PLD5: variants seen among roughly 807,000 people sequenced by gnomAD.
The protein encoded by PLD5 is inactive phospholipase D5.
A neutral mutation model predicts 61.1 loss-of-function variants in PLD5; 36 were observed. That is an observed-to-expected ratio of 0.59 (90% CI 0.45 to 0.78). PLD5 has a LOEUF of 0.78. Among genes scored for constraint, PLD5 ranks in the 30% least tolerant of loss-of-function variants. The probability of loss-of-function intolerance (pLI) is 0.00; values close to 1 mark genes in which losing one functional copy is unlikely to be tolerated. For synonymous variants in PLD5, 243 were observed against 242.8 expected, an observed-to-expected ratio of 1.00 and a Z score of -0.01; for missense variants, 515 against 644.4, an observed-to-expected ratio of 0.80 and a Z score of 2.17.
intron 7 of PLD5, among the ~76,000 whole-genome samples, chr1:242,109,379 G>A (rs1019542737): frequency 1.3e-5 from 2 of 152,212 alleles, no homozygotes; most frequent in Non-Finnish European, 2.9e-5. Context: ...TCGGGAGGCT[G>A]AGGCAGGAGA....
chr1:242,205,988 T>C (rs941270352), intron 5 of PLD5, among the ~76,000 whole-genome samples: 10 of 152,224 alleles, frequency 6.6e-5, no homozygotes, highest in Non-Finnish European at 1.5e-4. Flanking sequence ...AAGAAATGAC[T>C]GGGCTTGGCG....
At chr1:242,497,820 C>A (rs773903627) in intron 1 of PLD5, among the ~76,000 whole-genome samples, 1 of 152,170 alleles carries the variant, frequency 6.6e-6, no homozygotes, top group East Asian at 1.9e-4. Context: ...AGGCACTATG[C>A]CAAGCACTGC....
intron 1 of PLD5, among the ~76,000 whole-genome samples, chr1:242,513,598 G>T (rs764456524): frequency 6.6e-6 from 1 of 152,158 alleles, no homozygotes; most frequent in African/African-American, 2.4e-5. Context: ...GAGGCCAAAG[G>T]CCCACTCATA....
chr1:242,305,792 T>G (rs12131973), intron 2 of PLD5, among the ~76,000 whole-genome samples: 1 of 152,114 alleles, frequency 6.6e-6, no homozygotes, highest in African/African-American at 2.4e-5. Flanking sequence ...GATCTCTTGA[T>G]CTCATGACCC....
At chr1:242,129,791 C>A (rs977276242) in intron 5 of PLD5, among the ~76,000 whole-genome samples, 7 of 152,140 alleles carry the variant, frequency 4.6e-5, no homozygotes, top group African/African-American at 1.7e-4. Context: ...TCATCCCGCT[C>A]CTATGCTCTC....
intron 1 of PLD5, among the ~76,000 whole-genome samples, chr1:242,398,884 C>T (rs1261333437): frequency 1.3e-5 from 2 of 152,120 alleles, no homozygotes; most frequent in Non-Finnish European, 2.9e-5. Flanking sequence ...AATTTCTATA[C>T]AGTCATAGGA....
chr1:242,248,875 T>C (rs1045546964), intron 4 of PLD5, among the ~76,000 whole-genome samples: 5 of 152,136 alleles, frequency 3.3e-5, no homozygotes, highest in African/African-American at 1.2e-4. Flanking sequence ...CAGCCGGGCT[T>C]GGTGGGTCAT....
intron 2 of PLD5, among the ~76,000 whole-genome samples, chr1:242,338,300 T>G (rs1380579847): frequency 2.6e-5 from 4 of 152,184 alleles, no homozygotes; most frequent in African/African-American, 9.7e-5. Flanking sequence ...CAGGTTCAGG[T>G]TGGGCTCTTA....
chr1:242,216,529 A>C (rs1487062373), intron 5 of PLD5, among the ~76,000 whole-genome samples: 1 of 152,172 alleles, frequency 6.6e-6, no homozygotes, highest in East Asian at 1.9e-4. Flanking sequence ...CAGGTGCATA[A>C]TTGCTCTCTA....
intron 4 of PLD5, among the ~76,000 whole-genome samples, chr1:242,242,036 CACACACACAT>C (rs1672088387): frequency 2.0e-5 from 3 of 147,702 alleles, no homozygotes; most frequent in African/African-American, 5.0e-5. Flanking sequence ...CACACACACA[CACACACACAT>C]ATGGTTGATG....
intron 2 of PLD5, among the ~76,000 whole-genome samples, chr1:242,332,073 T>G (rs1659215915): frequency 6.6e-6 from 1 of 152,078 alleles, no homozygotes; most frequent in South Asian, 2.1e-4. Flanking sequence ...TGTGTGATGT[T>G]CCCCTCCCTG....
chr1:242,337,774 G>A (rs1350553075), intron 2 of PLD5, among the ~76,000 whole-genome samples: 1 of 152,182 alleles, frequency 6.6e-6, no homozygotes, highest in Non-Finnish European at 1.5e-5. Flanking sequence ...GAGTACGGAG[G>A]CTGAGTTTAG....
intron 1 of PLD5, among the ~76,000 whole-genome samples, chr1:242,387,750 A>G (rs1264930148): frequency 6.8e-6 from 1 of 147,572 alleles, no homozygotes; most frequent in Non-Finnish European, 1.5e-5. Flanking sequence ...TATATGATAT[A>G]TATCAAAATA....
chr1:242,204,899 G>A (rs558153209), intron 5 of PLD5, among the ~76,000 whole-genome samples: 3 of 152,134 alleles, frequency 2.0e-5, no homozygotes, highest in Admixed American at 6.5e-5. Context: ...AAAGAATAAG[G>A]CTGGCAAAAC....
intron 5 of PLD5, among the ~76,000 whole-genome samples, chr1:242,153,525 G>T (rs533772032): frequency 6.6e-6 from 1 of 152,244 alleles, no homozygotes; most frequent in African/African-American, 2.4e-5. Context: ...GTTAATATTT[G>T]TATAAGGTGT....
intron 1 of PLD5, among the ~76,000 whole-genome samples, chr1:242,487,460 A>C (rs1407189066): frequency 6.6e-6 from 1 of 152,220 alleles, no homozygotes; most frequent in Non-Finnish European, 1.5e-5. Flanking sequence ...ATACAGGAGC[A>C]AATCTAGGTG....
intron 1 of PLD5, among the ~76,000 whole-genome samples, chr1:242,380,542 A>G (rs60251166): frequency 0.2 from 30,158 of 152,070 alleles, 3,294 homozygotes; most frequent in African/African-American, 0.29. Flanking sequence ...GCTAGGAAAT[A>G]AACGCACATA....
At chr1:242,370,817 G>C (rs965459728) in intron 1 of PLD5, among the ~76,000 whole-genome samples, 2 of 152,056 alleles carry the variant, frequency 1.3e-5, no homozygotes. Flanking sequence ...AATGCCAACT[G>C]GTCTTTGATA....
At chr1:242,446,368 G>C (rs1016877780) in intron 1 of PLD5, among the ~76,000 whole-genome samples, 2 of 152,028 alleles carry the variant, frequency 1.3e-5, no homozygotes, top group African/African-American at 4.8e-5. Context: ...CCAGGAGTTC[G>C]AGGCCAATCT....
Sources: gnomAD v4.1 joint callset for allele counts (sites outside exome capture counted in the v4.1 genomes callset) on GRCh38, gnomAD v4.1.1 for gene constraint, MANE v1.5 for transcripts, NCBI Gene and HGNC (gene_info 2026-07-23, HGNC 2026-07-21) for gene names.